NAV1: variants seen among roughly 807,000 people sequenced by gnomAD.
NAV1 encodes neuron navigator 1.
In NAV1, 18 loss-of-function variants were observed where a neutral mutation model predicts 175.2. The ratio of observed to expected loss-of-function variants is 0.10; its 90% CI spans 0.07 to 0.15. The LOEUF is 0.15. NAV1 is among the 10% of genes least tolerant of loss of function. The pLI is 1.00. For missense variants in NAV1, 1,731 were observed against 2,436.6 expected (o/e 0.71, Z 6.10); for synonymous variants, 897 against 978.7 (o/e 0.92, Z 1.56).
intron 3 of NAV1, chr1:201,724,841 C>A (rs1672535484): frequency 6.5e-6 from 1 of 152,770 alleles, no homozygotes; most frequent in Non-Finnish European, 1.5e-5. Context: ...CCTCCACTCC[C>A]CAGCCTGTCC....
rs1367910685 is a variant in NAV1 at position 201,629,500 on chromosome 1, C to G, written c.-4C>G. The G allele has an allele frequency of 3.8e-6, 5 of 1,303,738 alleles. No individual in the cohort carries two copies. The Admixed American group carries it at 1.2e-4, about 30-fold the overall frequency. 80.8% of individuals were successfully genotyped at this position (1,303,738 alleles called of 1,614,324 possible). ...TCCATGAGACTGAGGAGAGCTTCTC[C>G]TGCATGGGTAAGTGATCTGGGGGAG... is the stretch of plus-strand genomic sequence containing the variant. On this transcript the variant is annotated 5_prime_UTR_variant, in exon 2 of 30. Coordinates refer to the NAV1 transcript ENST00000367302.
upstream of NAV1, among the ~76,000 whole-genome samples, chr1:201,618,558 T>C (rs1266002075): frequency 1.3e-5 from 2 of 151,772 alleles, no homozygotes; most frequent in African/African-American, 4.8e-5. Context: ...AAGGTCAGAG[T>C]TGATCATGGA....
intron 1 of NAV1, among the ~76,000 whole-genome samples, chr1:201,651,602 ATC>A (rs1669207292): frequency 6.6e-6 from 1 of 152,202 alleles, no homozygotes; most frequent in African/African-American, 2.4e-5. Context: ...CCTTAAAGGC[ATC>A]TATGAGTTCA....
chr1:201,775,815 T>G (rs1056085632), intron 3 of NAV1, among the ~76,000 whole-genome samples: 10 of 152,168 alleles, frequency 6.6e-5, no homozygotes, highest in Non-Finnish European at 1.0e-4. Flanking sequence ...CCCAGCACTT[T>G]GGGAGGCTGA....
chr1:201,713,400 G>A (rs2102472306), intron 2 of NAV1, among the ~76,000 whole-genome samples: 1 of 152,292 alleles, frequency 6.6e-6, no homozygotes, highest in East Asian at 1.9e-4. Context: ...ACGAGCCACT[G>A]AGGGAGGCTT....
At chr1:201,602,660 T>G (rs1388118767) in intron 2 of NAV1, among the ~76,000 whole-genome samples, 4 of 124,908 alleles carry the variant, frequency 3.2e-5, no homozygotes, top group East Asian at 3.4e-4. Flanking sequence ...GGTTTTTTTT[T>G]TTTTTGGTTT....
chr1:201,631,321 A>G (rs1333343921), intron 2 of NAV1, among the ~76,000 whole-genome samples: 9 of 152,218 alleles, frequency 5.9e-5, no homozygotes. Flanking sequence ...GCTTGAAGAA[A>G]ACAGAGAAGA....
intron 2 of NAV1, among the ~76,000 whole-genome samples, chr1:201,617,177 A>G (rs1471349462): frequency 1.3e-5 from 2 of 151,036 alleles, no homozygotes; most frequent in Non-Finnish European, 3.0e-5. Flanking sequence ...TTGGAGGTGG[A>G]GGATCTGATA....
rs559392412 is a variant in NAV1, at chr1:201,809,266, G to A, written c.4305+5G>A. The A allele has an allele frequency of 3.7e-6, 6 of 1,613,572 alleles. No homozygotes were observed. Among genetic ancestry groups the A allele is most frequent in the Middle Eastern group, 1.7e-4 (1 of 6,034 alleles). On this transcript the variant is annotated splice_donor_5th_base_variant and intron_variant, in intron 21 of 29. Transcript: ENST00000367296. ...CCGCAGCACATCATCAAAGGGGTAAGGAACTTCAGGGAGAGCCACAGTGGG... is the reference window on the plus strand; with the variant it reads ...CCGCAGCACATCATCAAAGGGGTAAAGAACTTCAGGGAGAGCCACAGTGGG...
intron 15 of NAV1, 101 bp from the exon 20 acceptor site, chr1:201,803,492 G>T: frequency 1.6e-6 from 2 of 1,256,946 alleles, no homozygotes; most frequent in Non-Finnish European, 2.2e-6. Context: ...TGAGGAGTTG[G>T]TTGGTTCTCC....
chr1:201,808,337 C>T lies in NAV1; in HGVS notation c.3846-81C>T. ...TATCAATGGGCAGGAGAAGCCAAGA[C>T]CACCAACCATGCCTCTCAATATTCT... On this transcript the variant is annotated intron_variant, in intron 18 of 29. Coordinates refer to ENST00000367296, the Ensembl canonical transcript of NAV1. This position sits in a 1 kb window ranked among gnomAD's most constrained non-coding sequence, Gnocchi z 5.5. 3 of 1,499,330 alleles carry T rather than the reference C, an allele frequency of 2.0e-6. No homozygotes were observed. The highest frequency in any genetic ancestry group is 4.2e-5 in the Admixed American group (2 of 48,136). 92.9% of individuals were successfully genotyped at this position (1,499,330 alleles called of 1,614,324 possible).
At chr1:201,824,829 C>T (rs921706017) in exon 30 of NAV1, 3 of 152,086 alleles carry the variant, frequency 2.0e-5, no homozygotes, top group Non-Finnish European at 2.9e-5. Flanking sequence ...TTGTTAGAAA[C>T]GAAAATTCTC....
At chr1:201,559,442 G>A (rs1666131238) in intron 1 of NAV1, among the ~76,000 whole-genome samples, 2 of 152,226 alleles carry the variant, frequency 1.3e-5, no homozygotes, top group South Asian at 2.1e-4. Context: ...TTGTAGGTTG[G>A]GGGAGGCTGA....
intron 2 of NAV1, among the ~76,000 whole-genome samples, chr1:201,612,035 A>G (rs574354971): frequency 1.3e-5 from 2 of 152,076 alleles, no homozygotes; most frequent in African/African-American, 4.8e-5. Flanking sequence ...ATCAGTGTGT[A>G]TATGTATTTG....
intron 3 of NAV1, among the ~76,000 whole-genome samples, chr1:201,743,152 T>TC (rs1490689001): frequency 1.3e-5 from 2 of 152,142 alleles, no homozygotes; most frequent in Non-Finnish European, 2.9e-5. Context: ...AGTAGTGGGA[T>TC]TTGTCCTCAT....
At chr1:201,655,992 G>A (rs1669389809) in intron 1 of NAV1, among the ~76,000 whole-genome samples, 1 of 152,172 alleles carries the variant, frequency 6.6e-6, no homozygotes. Flanking sequence ...GAGATGGGAG[G>A]GCATGGAGAG....
chr1:201,602,761 C>T (rs751063128), intron 2 of NAV1, among the ~76,000 whole-genome samples: 1 of 150,156 alleles, frequency 6.7e-6, no homozygotes, highest in Non-Finnish European at 1.5e-5. Flanking sequence ...TTGGCTGGGG[C>T]ATGCTCCAGG....
At chr1:201,673,602 C>T (rs1047119705) in intron 1 of NAV1, among the ~76,000 whole-genome samples, 67 of 152,272 alleles carry the variant, frequency 4.4e-4, no homozygotes, top group Middle Eastern at 3.4e-3. Flanking sequence ...GAAATTCAAA[C>T]GCAAGGAACA....
At chr1:201,697,425 G>A (rs117444319) in intron 1 of NAV1, among the ~76,000 whole-genome samples, 1,780 of 152,270 alleles carry the variant, frequency 0.012, 44 homozygotes, top group East Asian at 0.091. Context: ...AGGGAGCATC[G>A]CCTTCTGGGC....
Sources: allele counts gnomAD v4.1 joint callset (sites outside exome capture counted in the v4.1 genomes callset), GRCh38; gene constraint gnomAD v4.1.1; non-coding constraint Gnocchi (gnomAD v3.1); transcripts MANE v1.5; gene names NCBI Gene and HGNC (gene_info 2026-07-23, HGNC 2026-07-21).